Variants in VPS13A observed in about 807,000 individuals in gnomAD.
VPS13A encodes intermembrane lipid transfer protein VPS13A.
In VPS13A, 264 loss-of-function variants were observed where a neutral mutation model predicts 390.9. The ratio of observed to expected loss-of-function variants is 0.68; its 90% CI spans 0.61 to 0.75. VPS13A has a LOEUF of 0.75. VPS13A is among the 30% of genes least tolerant of loss of function. The pLI is 0.00. For synonymous variants in VPS13A, 1,231 were observed against 1,227.1 expected, an observed-to-expected ratio of 1.00 and a Z score of -0.07; for missense variants, 3,409 against 3,733.9, an observed-to-expected ratio of 0.91 and a Z score of 2.27.
chr9:77,252,133 A>C (rs1341724401), intron 21 of VPS13A, 102 bp from the exon 22 acceptor site: 2 of 967,736 alleles, frequency 2.1e-6, no homozygotes, highest in Non-Finnish European at 3.3e-6. Flanking sequence ...GATGTGGGGA[A>C]ATTTCCTCAT....
At chr9:77,231,446 G>GT (rs908398100) in intron 17 of VPS13A, among the ~76,000 whole-genome samples, 2 of 151,716 alleles carry the variant, frequency 1.3e-5, no homozygotes, top group Non-Finnish European at 2.9e-5. Context: ...TTGTTATTTT[G>GT]TTTTTTTATT....
At chr9:77,190,184 G>A (rs569222999) in intron 1 of VPS13A, among the ~76,000 whole-genome samples, 1 of 152,226 alleles carries the variant, frequency 6.6e-6, no homozygotes, top group South Asian at 2.1e-4. Context: ...TTCTCAAGGG[G>A]AATACTTCCA....
intron 34 of VPS13A, among the ~76,000 whole-genome samples, chr9:77,307,346 C>G (rs540399679): frequency 6.6e-6 from 1 of 152,232 alleles, no homozygotes; most frequent in African/African-American, 2.4e-5. Context: ...ATCCCAGTTT[C>G]TTGGGAGGCT....
rs1265062452 is a variant in VPS13A, at chr9:77,339,723, A to G, written c.6586A>G (p.Ile2196Val). ...VTEMEKTDLD[I>V]AVHMTYNTGQ... ...AGAAATGGAAAAGACTGATTTAGAT[A>G]TTGCTGTCCATATGACTTACAATAC... The change falls in exon 48 of 72, where the codon ATT becomes GTT. Residue 2196 changes from isoleucine (I) to valine (V), a missense_variant. By Grantham distance (29) the Ile-to-Val change is conservative. This residue lies in a region of VPS13A where 2,717 missense variants were observed against 2,917.4 expected (regional missense o/e 0.93). Coordinates refer to ENST00000360280, the MANE Select transcript of VPS13A (RefSeq NM_033305.3). The G allele has an allele frequency of 3.1e-6, 5 of 1,614,058 alleles. No individual in the cohort carries two copies. Among genetic ancestry groups the G allele is most frequent in the Non-Finnish European group, 3.4e-6 (4 of 1,179,972 alleles).
chr9:77,407,804 G>A (rs964407801), intron 71 of VPS13A, 197 bp downstream of exon 71: 10 of 527,308 alleles, frequency 1.9e-5, no homozygotes, highest in African/African-American at 7.7e-5. Context: ...GATTCAATTC[G>A]GCATACCTAC....
chr9:77,240,797 C>T (rs965004401), intron 19 of VPS13A, among the ~76,000 whole-genome samples: 3 of 152,056 alleles, frequency 2.0e-5, no homozygotes, highest in African/African-American at 7.2e-5. Context: ...CATGATACTA[C>T]TGTATGTAGA....
intron 10 of VPS13A, among the ~76,000 whole-genome samples, chr9:77,219,113 A>C (rs1206503287): frequency 6.6e-6 from 1 of 151,926 alleles, no homozygotes; most frequent in African/African-American, 2.4e-5. Flanking sequence ...AGTGAATTGT[A>C]GGTCCAGGGT....
chr9:77,312,608 A>G (rs934732344), intron 35 of VPS13A, among the ~76,000 whole-genome samples: 10 of 152,064 alleles, frequency 6.6e-5, no homozygotes, highest in African/African-American at 2.4e-4. Flanking sequence ...TTGTACTTTT[A>G]GTAGAGACGG....
chr9:77,186,840 ATTC>A (rs1824368194), intron 1 of VPS13A, among the ~76,000 whole-genome samples: 2 of 152,182 alleles, frequency 1.3e-5, no homozygotes, highest in African/African-American at 4.8e-5. Context: ...CATCTCCTGA[ATTC>A]TTCATCTTGC....
intron 50 of VPS13A, among the ~76,000 whole-genome samples, chr9:77,342,737 G>T (rs147043108): frequency 6.6e-6 from 1 of 152,216 alleles, no homozygotes; most frequent in East Asian, 1.9e-4. Flanking sequence ...TCCAAAAGAA[G>T]TCCAGAATGT....
chr9:77,209,702 G>A (rs1217637880), intron 6 of VPS13A, among the ~76,000 whole-genome samples, 170 bp downstream of exon 6: 1 of 152,138 alleles, frequency 6.6e-6, no homozygotes, highest in Admixed American at 6.5e-5. Flanking sequence ...GCAGTCCTTA[G>A]TGTTGAGTGC....
At chr9:77,248,376 C>T (rs1016643415) in intron 20 of VPS13A, among the ~76,000 whole-genome samples, 20 of 151,784 alleles carry the variant, frequency 1.3e-4, no homozygotes, top group South Asian at 6.2e-4. Context: ...CCACCACGCC[C>T]GGCTAATTTT....
chr9:77,330,111 G>A (rs967527121), intron 45 of VPS13A, among the ~76,000 whole-genome samples: 2 of 152,058 alleles, frequency 1.3e-5, no homozygotes, highest in Admixed American at 6.5e-5. Flanking sequence ...TGACCTCCCA[G>A]GCTCAATAAT....
In VPS13A at chr9:77,321,258, C is replaced by G. The variant is rs889580489; in HGVS notation, c.5505C>G (p.Phe1835Leu). The change falls in exon 43 of 72, where the codon TTC becomes TTG. Residue 1835 changes from phenylalanine to leucine, a missense_variant. Phe to Leu is a conservative substitution (Grantham distance 22, BLOSUM62 0). Transcript: ENST00000360280. ...CAGAATATAAAACTGTCATCAGTTT[C>G]CATTCAAAAGACCAATTAAACATTA... ...KVPEYKTVIS[F>L]HSKDQLNITL... is the part of the protein sequence containing the mutation. 2.5e-6 allele frequency: 4 copies of G among 1,610,938 alleles called. No homozygotes were observed. Among genetic ancestry groups the G allele is most frequent in the Non-Finnish European group, 3.4e-6 (4 of 1,177,948 alleles).
intron 32 of VPS13A, 45 bp from the exon 33 acceptor site, chr9:77,295,497 C>T (rs778950338): frequency 1.5e-5 from 21 of 1,448,236 alleles, no homozygotes; most frequent in Non-Finnish European, 1.7e-5. Flanking sequence ...TTTAATAAGT[C>T]GTATTTATTA....
At chr9:77,201,615 C>T (rs1163924619) in intron 3 of VPS13A, among the ~76,000 whole-genome samples, 1 of 152,126 alleles carries the variant, frequency 6.6e-6, no homozygotes, top group Admixed American at 6.5e-5. Flanking sequence ...TATCCTAATA[C>T]ATTACATATC....
Position 77,319,678 on chromosome 9 carries a change from A to T in VPS13A, c.5415+5A>T. The T allele has an allele frequency of 6.8e-7, 1 of 1,474,764 alleles. No homozygotes were observed. The highest frequency in any genetic ancestry group is 1.1e-5 in the South Asian group (1 of 87,562). 91.4% of individuals were successfully genotyped at this position (1,474,764 alleles called of 1,614,324 possible). A position where few individuals can be genotyped will look rare whatever the true frequency, so the allele number is the denominator to read the frequency against. On this transcript the variant is annotated splice_donor_5th_base_variant and intron_variant, in intron 42 of 71. Transcript: ENST00000360280. ...CCATGGAATCTTGGTATCAAGGTAT[A>T]TCTATATATGTCTATGTGTGTATAT...
Position 77,383,120 on chromosome 9 carries a change from A to G in VPS13A, c.9189+1033A>G, listed in dbSNP as rs41289979. On this transcript the variant is annotated intron_variant, in intron 68 of 71. Transcript: ENST00000360280. ...TTTAAATATTGTGATATTTAATGTGATCAGAGTAAAGATTTAAACTTCAGT... is the reference window on the plus strand; with the variant it reads ...TTTAAATATTGTGATATTTAATGTGGTCAGAGTAAAGATTTAAACTTCAGT... The G allele has an allele frequency of 9.7e-3, 7,977 of 823,100 alleles. 104 individuals are homozygous for G. The highest frequency in any genetic ancestry group is 0.057 in the African/African-American group (3,091 of 54,164). 51.0% of individuals were successfully genotyped at this position (823,100 alleles called of 1,614,324 possible).
chr9:77,329,523 G>A (rs1830176085), intron 45 of VPS13A, among the ~76,000 whole-genome samples: 1 of 152,134 alleles, frequency 6.6e-6, no homozygotes, highest in African/African-American at 2.4e-5. Context: ...CGAAGAAGAG[G>A]GAGAAAGTGG....
Sources: allele counts gnomAD v4.1 joint callset (sites outside exome capture counted in the v4.1 genomes callset), GRCh38; gene constraint gnomAD v4.1.1; regional missense constraint gnomAD v4.1.1; transcripts MANE v1.5; gene names NCBI Gene and HGNC (gene_info 2026-07-23, HGNC 2026-07-21).